The following PCDH15 variants were observed in gnomAD, a reference collection of about 807,000 sequenced individuals.
PCDH15 encodes protocadherin related 15.
In PCDH15, 129 loss-of-function variants were observed where a neutral mutation model predicts 178.5. The observed-to-expected ratio is 0.72, with a 90% CI of 0.63 to 0.84. The LOEUF (loss-of-function observed/expected upper bound fraction) is 0.84, where lower values mean the gene tolerates loss of function less well. PCDH15 is among the 40% of genes least tolerant of loss of function. The pLI, the probability that PCDH15 is intolerant of heterozygous loss-of-function variation, is 0.00. For synonymous variants in PCDH15, 800 were observed against 732.0 expected (o/e 1.09, Z -1.50); for missense variants, 2,230 against 2,099.9 (o/e 1.06, Z -1.21).
At chr10:54,257,420 T>TTTTC (rs58014804) in intron 8 of PCDH15, among the ~76,000 whole-genome samples, 2 of 150,394 alleles carry the variant, frequency 1.3e-5, no homozygotes, top group Non-Finnish European at 3.0e-5. Flanking sequence ...TTTTTTTTTT[T>TTTTC]GTCAAAGAAG....
In PCDH15 at chr10:54,815,224, G is replaced by T. The variant is rs546222532; in HGVS notation, c.-29+82226C>A. On this transcript the variant is annotated intron_variant, in intron 3 of 5. Coordinates refer to the PCDH15 transcript ENST00000458638. ...AAATATTGAAAAAATTAAGAAAAAA[G>T]TATGGCATGAATACATAAAATATAT... is the stretch of plus-strand genomic sequence containing the variant. Among the ~76,000 whole-genome samples, 3 of 151,448 alleles carry T rather than the reference G, an allele frequency of 2.0e-5. No individual in the cohort carries two copies. The East Asian group carries it at 5.8e-4, about 29-fold the overall frequency.
intron 2 of PCDH15, among the ~76,000 whole-genome samples, chr10:55,015,728 G>A (rs1249163312): frequency 1.3e-5 from 2 of 152,150 alleles, no homozygotes; most frequent in Non-Finnish European, 2.9e-5. Context: ...CCTGCAGCTA[G>A]TATCAGTGGG....
intron 2 of PCDH15, among the ~76,000 whole-genome samples, chr10:55,557,433 A>C (rs930240950): frequency 3.9e-5 from 6 of 152,278 alleles, no homozygotes; most frequent in Non-Finnish European, 8.8e-5. Flanking sequence ...AGTTAAATGT[A>C]GGGCTGCCAT....
intron 20 of PCDH15, among the ~76,000 whole-genome samples, chr10:54,010,497 C>A (rs1305704069): frequency 2.0e-5 from 3 of 152,164 alleles, no homozygotes; most frequent in Admixed American, 2.0e-4. Flanking sequence ...AAACGCCCAG[C>A]ACAGCACGGC....
At chr10:54,772,238 C>T (rs2133278544) in intron 1 of PCDH15, among the ~76,000 whole-genome samples, 1 of 152,186 alleles carries the variant, frequency 6.6e-6, no homozygotes, top group South Asian at 2.1e-4. Flanking sequence ...CATTCCAAAA[C>T]TTAAGCAAGT....
At chr10:53,994,548 C>A (rs1223878516) in intron 21 of PCDH15, 1 of 152,088 alleles carries the variant, frequency 6.6e-6, no homozygotes, top group Non-Finnish European at 1.5e-5. Flanking sequence ...GTACATGTTA[C>A]AATGTACTTA....
intron 3 of PCDH15, among the ~76,000 whole-genome samples, chr10:54,518,830 A>T (rs370916054): frequency 6.6e-6 from 1 of 152,162 alleles, no homozygotes; most frequent in Admixed American, 6.6e-5. Context: ...CTGGCAAACC[A>T]AATCCAGCAG....
At chr10:54,786,248 T>C (rs1336055139) in intron 1 of PCDH15, among the ~76,000 whole-genome samples, 1 of 152,004 alleles carries the variant, frequency 6.6e-6, no homozygotes, top group African/African-American at 2.4e-5. Flanking sequence ...GAGGAGTCCA[T>C]AGTTAAAGTC....
intron 3 of PCDH15, among the ~76,000 whole-genome samples, chr10:54,411,459 G>C (rs964688865): frequency 1.3e-5 from 2 of 152,106 alleles, no homozygotes; most frequent in African/African-American, 4.8e-5. Flanking sequence ...AGAATGTGGG[G>C]TTTGAATCAC....
intron 2 of PCDH15, among the ~76,000 whole-genome samples, chr10:54,558,359 C>T (rs1391916047): frequency 1.3e-5 from 2 of 152,116 alleles, no homozygotes; most frequent in Non-Finnish European, 2.9e-5. Flanking sequence ...ACACTCTGCT[C>T]ATCTGAATAA....
intron 2 of PCDH15, among the ~76,000 whole-genome samples, chr10:55,155,826 T>A (rs558867713): frequency 2.0e-4 from 11 of 55,922 alleles, no homozygotes; most frequent in Non-Finnish European, 2.9e-4. Flanking sequence ...GATCCTTACA[T>A]AATGTTTTGT....
In PCDH15 at chr10:55,020,101, A is replaced by C. The variant is rs1198300780; in HGVS notation, c.-79-122601T>G. Reference sequence around the variant, plus strand: ...ATTAATATTTTCTCCCTCTCTCTATATATAATATATATGTATAATTATATA... The same window carrying C: ...ATTAATATTTTCTCCCTCTCTCTATCTATAATATATATGTATAATTATATA... On this transcript the variant is annotated intron_variant, in intron 2 of 5. Coordinates refer to the PCDH15 transcript ENST00000458638. Among the ~76,000 whole-genome samples the C allele has an allele frequency of 2.7e-5, 4 of 146,806 alleles. No homozygotes were observed. The South Asian group carries it at 6.5e-4, about 24-fold the overall frequency.
At chr10:54,504,234 T>C (rs2080973711) in intron 3 of PCDH15, among the ~76,000 whole-genome samples, 1 of 152,162 alleles carries the variant, frequency 6.6e-6, no homozygotes, top group Non-Finnish European at 1.5e-5. Flanking sequence ...AATGACTATA[T>C]AGGCATGAAG....
chr10:54,196,385 G>T lies in PCDH15; in HGVS notation c.1099-496C>A, dbSNP rs530727943. On this transcript the variant is annotated intron_variant, in intron 10 of 37. Transcript: ENST00000644397. ...TCTCGATCTCCTGACCTCGTGATCC[G>T]CCCGCCTCAGCCTCCCAAAGTGCTG... Among the ~76,000 whole-genome samples the T allele has an allele frequency of 8.0e-3, 1,211 of 151,914 alleles. 8 individuals are homozygous for T. Among genetic ancestry groups the T allele is most frequent in the Non-Finnish European group, 0.012 (805 of 67,916 alleles).
At chr10:54,576,307 T>C (rs2090477810) in intron 2 of PCDH15, among the ~76,000 whole-genome samples, 1 of 152,216 alleles carries the variant, frequency 6.6e-6, no homozygotes, top group South Asian at 2.1e-4. Flanking sequence ...AGACTACTCA[T>C]GTAGTTAGCG....
chr10:54,672,492 T>C lies in PCDH15; in HGVS notation c.-28-8202A>G, dbSNP rs115190119. Among the ~76,000 whole-genome samples the C allele has an allele frequency of 2.9e-3, 435 of 152,228 alleles. 2 individuals carry two copies. The highest frequency in any genetic ancestry group is 9.4e-3 in the African/African-American group (392 of 41,552). On this transcript the variant is annotated intron_variant, in intron 1 of 37. Transcript: ENST00000644397. ...TCTTAGCACATTGGAGAAAGATAAA[T>C]CTTCCTGCTCTGTGTAAAGAAGCAA... is the stretch of plus-strand genomic sequence containing the variant.
intron 2 of PCDH15, among the ~76,000 whole-genome samples, chr10:55,018,134 C>G (rs1034241554): frequency 6.6e-6 from 1 of 151,806 alleles, no homozygotes; most frequent in African/African-American, 2.4e-5. Flanking sequence ...TTTCATCTAC[C>G]CATTAACCTA....
intron 1 of PCDH15, among the ~76,000 whole-genome samples, chr10:54,708,464 T>G (rs2095390562): frequency 6.6e-6 from 1 of 152,180 alleles, no homozygotes; most frequent in Non-Finnish European, 1.5e-5. Context: ...TGGCAAAAAT[T>G]CCATCTATGT....
At chr10:55,598,747 C>G (rs1197209834) in intron 2 of PCDH15, among the ~76,000 whole-genome samples, 2 of 151,842 alleles carry the variant, frequency 1.3e-5, no homozygotes, top group South Asian at 2.1e-4. Context: ...GGCAAGCACA[C>G]AAGCCCGTCA....
Sources: allele counts gnomAD v4.1 joint callset (sites outside exome capture counted in the v4.1 genomes callset), GRCh38; gene constraint gnomAD v4.1.1; transcripts MANE v1.5; gene names NCBI Gene and HGNC (gene_info 2026-07-23, HGNC 2026-07-21).